Variants in SLC22A24 observed in about 807,000 individuals in gnomAD.
SLC22A24 encodes solute carrier family 22 member 24.
Under a neutral mutation model 49.8 loss-of-function variants are expected in SLC22A24, and 53 were observed. That is an observed-to-expected ratio of 1.06 (90% CI 0.85 to 1.34). The LOEUF (loss-of-function observed/expected upper bound fraction) is 1.34, where lower values mean the gene tolerates loss of function less well. Ranked by LOEUF, SLC22A24 falls within the 40% of genes most tolerant of loss-of-function variation. The pLI is 0.00. For synonymous variants in SLC22A24, 302 were observed against 256.4 expected, an observed-to-expected ratio of 1.18 and a Z score of -1.70; for missense variants, 786 against 675.9, an observed-to-expected ratio of 1.16 and a Z score of -1.81.
intron 6 of SLC22A24, 55 bp downstream of exon 6, chr11:63,095,935 GA>G: frequency 8.0e-7 from 1 of 1,247,356 alleles, no homozygotes; most frequent in Non-Finnish European, 1.1e-6. Flanking sequence ...TTTGAAAGAA[GA>G]AACAGTTTTG....
intron 2 of SLC22A24, among the ~76,000 whole-genome samples, chr11:63,120,869 A>C (rs1387325671): frequency 6.6e-6 from 1 of 152,118 alleles, no homozygotes; most frequent in Non-Finnish European, 1.5e-5. Flanking sequence ...ATTATCTTTA[A>C]AAAAAGATCT....
intron 1 of SLC22A24, among the ~76,000 whole-genome samples, chr11:63,142,845 C>G (rs1321023054): frequency 6.6e-6 from 1 of 152,124 alleles, no homozygotes; most frequent in East Asian, 1.9e-4. Flanking sequence ...CCAAGTTATC[C>G]TTAAAAACTC....
At chr11:63,106,053 G>T (rs2087119334) in intron 4 of SLC22A24, among the ~76,000 whole-genome samples, 1 of 151,360 alleles carries the variant, frequency 6.6e-6, no homozygotes, top group African/African-American at 2.4e-5. Context: ...TTAGCATTAG[G>T]TATATCTCCT....
intron 4 of SLC22A24, among the ~76,000 whole-genome samples, chr11:63,108,517 T>A (rs978461836): frequency 4.6e-5 from 7 of 152,178 alleles, no homozygotes; most frequent in African/African-American, 1.7e-4. Flanking sequence ...GTATCAGCTC[T>A]CTTTGTACCT....
chr11:63,112,814 C>T (rs772024038), intron 4 of SLC22A24, among the ~76,000 whole-genome samples: 18 of 150,594 alleles, frequency 1.2e-4, no homozygotes, highest in African/African-American at 2.2e-4. Context: ...GAGATTGAGA[C>T]CATCGTGGCT....
chr11:63,088,855 C>T (rs142995188), intron 6 of SLC22A24, among the ~76,000 whole-genome samples: 6 of 151,674 alleles, frequency 4.0e-5, no homozygotes, highest in East Asian at 3.9e-4. Context: ...CCTGAAATAA[C>T]GTGTGAAGAA....
In SLC22A24 at chr11:63,083,445, A is replaced by G. The variant is rs959049317; in HGVS notation, c.1083T>C (p.Thr361=). ...FGLCFVRFAI[T]VPFYGLILNL... is the part of the protein sequence containing the mutation. ...TGAGTATCAGGCCATAAAAGGGTACAGTGATTGCGAATCTGAAGTGAATAA... is the reference window on the plus strand; with the variant it reads ...TGAGTATCAGGCCATAAAAGGGTACGGTGATTGCGAATCTGAAGTGAATAA... The change falls in exon 7 of 10, where the codon ACT becomes ACC. Residue 361 remains threonine, a synonymous_variant. Coordinates refer to ENST00000612278, the MANE Select transcript of SLC22A24 (RefSeq NM_001136506.2). 3 of 1,551,096 alleles carry G rather than the reference A, an allele frequency of 1.9e-6. No homozygotes were observed. The highest frequency in any genetic ancestry group is 2.6e-6 in the Non-Finnish European group (3 of 1,146,492).
At chr11:63,098,718 T>C (rs2087070837) in intron 5 of SLC22A24, among the ~76,000 whole-genome samples, 1 of 151,862 alleles carries the variant, frequency 6.6e-6, no homozygotes, top group Non-Finnish European at 1.5e-5. Context: ...AATCTAATGA[T>C]GTGTCTTACA....
At chr11:63,109,812 A>C (rs774098326) in intron 4 of SLC22A24, among the ~76,000 whole-genome samples, 213 of 151,562 alleles carry the variant, frequency 1.4e-3, no homozygotes, top group Middle Eastern at 3.4e-3. Flanking sequence ...GTTCACTCTG[A>C]TGGTAGTTTC....
intron 2 of SLC22A24, among the ~76,000 whole-genome samples, chr11:63,130,064 G>A (rs2087322636): frequency 6.6e-6 from 1 of 152,210 alleles, no homozygotes; most frequent in African/African-American, 2.4e-5. Context: ...GGTTTTCAAA[G>A]AGAATGCTTC....
intron 1 of SLC22A24, among the ~76,000 whole-genome samples, 178 bp downstream of exon 1, chr11:63,143,200 C>G (rs2087427455): frequency 6.6e-6 from 1 of 152,182 alleles, no homozygotes; most frequent in Non-Finnish European, 1.5e-5. Flanking sequence ...TACTAATACA[C>G]TTGGCTGTAT....
intron 6 of SLC22A24, among the ~76,000 whole-genome samples, chr11:63,092,368 T>TGC (rs1565324541): frequency 3.7e-5 from 5 of 134,250 alleles, no homozygotes; most frequent in Admixed American, 3.2e-4. Flanking sequence ...ATGAAGCTAC[T>TGC]AGTGACTTTC....
At chr11:63,085,950 C>T (rs2086984742) in intron 6 of SLC22A24, among the ~76,000 whole-genome samples, 1 of 152,260 alleles carries the variant, frequency 6.6e-6, no homozygotes, top group South Asian at 2.1e-4. Context: ...TTGTCACTCT[C>T]CTAATCCATG....
At chr11:63,120,642 T>C (rs1056292697) in intron 2 of SLC22A24, among the ~76,000 whole-genome samples, 15 of 152,012 alleles carry the variant, frequency 9.9e-5, no homozygotes, top group Non-Finnish European at 1.3e-4. Context: ...CAGGCACCCT[T>C]TCTAGAGTTA....
intron 2 of SLC22A24, among the ~76,000 whole-genome samples, chr11:63,129,738 A>T (rs1425346567): frequency 2.0e-5 from 3 of 152,048 alleles, no homozygotes; most frequent in Non-Finnish European, 4.4e-5. Context: ...TCTTTGTAGT[A>T]ACTGTGGATG....
intron 5 of SLC22A24, among the ~76,000 whole-genome samples, chr11:63,102,917 A>G (rs117737863): frequency 0.023 from 3,486 of 152,178 alleles, 66 homozygotes; most frequent in Middle Eastern, 0.044. Flanking sequence ...TCATTATTGT[A>G]TGCTGGATGT....
intron 6 of SLC22A24, among the ~76,000 whole-genome samples, chr11:63,091,822 A>G (rs1471512005): frequency 6.6e-6 from 1 of 152,196 alleles, no homozygotes; most frequent in Admixed American, 6.5e-5. Context: ...CAAAAACTGG[A>G]AGCATTTCCT....
intron 5 of SLC22A24, among the ~76,000 whole-genome samples, chr11:63,096,768 A>C (rs894260811): frequency 1.3e-5 from 2 of 152,168 alleles, no homozygotes; most frequent in African/African-American, 4.8e-5. Context: ...CCTAAGCCAG[A>C]TATTTGAAGA....
intron 6 of SLC22A24, among the ~76,000 whole-genome samples, chr11:63,086,987 G>A (rs2135193457): frequency 7.3e-6 from 1 of 136,162 alleles, no homozygotes; most frequent in Middle Eastern, 3.9e-3. Flanking sequence ...ATGAAAGTTT[G>A]CAAAAAAAAT....
Sources: gnomAD v4.1 joint callset for allele counts (sites outside exome capture counted in the v4.1 genomes callset) on GRCh38, gnomAD v4.1.1 for gene constraint, MANE v1.5 for transcripts, NCBI Gene and HGNC (gene_info 2026-07-23, HGNC 2026-07-21) for gene names.